Variants in ZNF407 observed in about 807,000 individuals in gnomAD.
ZNF407 encodes zinc finger protein 407.
In ZNF407, 17 loss-of-function variants were observed where a neutral mutation model predicts 131.2. That is an observed-to-expected ratio of 0.13 (90% CI 0.09 to 0.19). The LOEUF (loss-of-function observed/expected upper bound fraction) is 0.19. Ranked by LOEUF, ZNF407 falls within the 10% of genes least tolerant of loss-of-function variation. The pLI is 1.00. For synonymous variants in ZNF407, 1,156 were observed against 1,062.0 expected, an observed-to-expected ratio of 1.09 and a Z score of -1.72; for missense variants, 2,681 against 2,830.6, an observed-to-expected ratio of 0.95 and a Z score of 1.20.
At chr18:74,713,684 T>C (rs1323802935) in intron 3 of ZNF407, among the ~76,000 whole-genome samples, 1 of 152,136 alleles carries the variant, frequency 6.6e-6, no homozygotes, top group African/African-American at 2.4e-5. Flanking sequence ...AACTATAATA[T>C]CTCCCAAATT....
intron 3 of ZNF407, among the ~76,000 whole-genome samples, chr18:74,771,917 A>G (rs1352984376): frequency 6.6e-6 from 1 of 152,194 alleles, no homozygotes; most frequent in Non-Finnish European, 1.5e-5. Context: ...ATTAGCTTGG[A>G]TAATTCACAT....
At chr18:74,751,627 G>A (rs1968805604) in intron 3 of ZNF407, among the ~76,000 whole-genome samples, 1 of 151,950 alleles carries the variant, frequency 6.6e-6, no homozygotes, top group Non-Finnish European at 1.5e-5. Context: ...GCAGTGTTTG[G>A]TTTTCTGTCC....
Position 75,064,083 on chromosome 18 carries a change from C to A in ZNF407, c.6362C>A (p.Ala2121Asp). Residue 2121 changes from alanine (A) to aspartate (D), a missense_variant, in exon 9 of 9, where the codon GCC becomes GAC. Transcript: ENST00000299687. ...GTCCACATGGTCGCCGGGGAGGGTG[C>A]CCAGATCATCATGCAGGAGGCGCAG... The part of the protein sequence containing the change: ...GAVHMVAGEG[A>D]QIIMQEAQGE... 6.3e-7 allele frequency: 1 copy of A among 1,589,150 alleles called. No individual in the cohort carries two copies. The highest frequency in any genetic ancestry group is 8.6e-7 in the Non-Finnish European group (1 of 1,168,648).
intron 4 of ZNF407, among the ~76,000 whole-genome samples, chr18:74,838,076 G>A (rs190534783): frequency 6.6e-6 from 1 of 152,152 alleles, no homozygotes; most frequent in East Asian, 1.9e-4. Context: ...TACTCATATT[G>A]GCAGTTACTT....
intron 3 of ZNF407, among the ~76,000 whole-genome samples, chr18:74,766,341 A>G (rs1001503929): frequency 2.6e-5 from 4 of 152,182 alleles, no homozygotes; most frequent in South Asian, 2.1e-4. Context: ...GTCCCATCCT[A>G]TGCTTCTTAA....
intron 3 of ZNF407, among the ~76,000 whole-genome samples, chr18:74,674,771 T>A (rs534135604): frequency 6.6e-6 from 1 of 152,124 alleles, no homozygotes; most frequent in African/African-American, 2.4e-5. Context: ...TGTAAATGAG[T>A]TAGTGTGGCT....
chr18:74,747,319 A>G (rs1047418822), intron 3 of ZNF407, among the ~76,000 whole-genome samples: 1 of 152,220 alleles, frequency 6.6e-6, no homozygotes, highest in Admixed American at 6.5e-5. Context: ...AGGGAATTAC[A>G]TGGTATTCAT....
chr18:74,719,349 C>T (rs946255453), intron 3 of ZNF407, among the ~76,000 whole-genome samples: 1 of 151,962 alleles, frequency 6.6e-6, no homozygotes, highest in Non-Finnish European at 1.5e-5. Flanking sequence ...ACGCTTCCTA[C>T]CCGCTAGTAT....
In ZNF407 at chr18:74,763,410, G is replaced by A. The variant is rs182011760; in HGVS notation, c.4803-18018G>A. Among the ~76,000 whole-genome samples, 390 of 151,300 alleles carry A rather than the reference G, an allele frequency of 2.6e-3. 2 individuals carry two copies. Among genetic ancestry groups the A allele is most frequent in the Middle Eastern group, 6.8e-3 (2 of 292 alleles). On this transcript the variant is annotated intron_variant, in intron 3 of 8. Transcript: ENST00000299687. ...GTCTGTGGCTTAATTCTCTTTAGAA[G>A]GGGAGAATTAAAAAATTTCCATGTA...
intron 8 of ZNF407, among the ~76,000 whole-genome samples, chr18:74,956,137 C>T (rs1187935249): frequency 1.3e-5 from 2 of 152,138 alleles, no homozygotes; most frequent in Non-Finnish European, 2.9e-5. Flanking sequence ...AAAAATGAAT[C>T]CCCAGCCTCC....
chr18:75,046,205 T>A (rs1973433783), intron 8 of ZNF407, among the ~76,000 whole-genome samples: 1 of 152,162 alleles, frequency 6.6e-6, no homozygotes, highest in Non-Finnish European at 1.5e-5. Flanking sequence ...TTTCATATCA[T>A]AACAGAAAAT....
chr18:75,006,474 G>A (rs981843782), intron 8 of ZNF407, among the ~76,000 whole-genome samples: 5 of 152,130 alleles, frequency 3.3e-5, no homozygotes, highest in African/African-American at 9.7e-5. Context: ...GAGAATTTGT[G>A]TAATCCTTTA....
At chr18:75,051,588 A>G (rs746956446) in intron 8 of ZNF407, among the ~76,000 whole-genome samples, 1 of 152,224 alleles carries the variant, frequency 6.6e-6, no homozygotes, top group Non-Finnish European at 1.5e-5. Context: ...AGTGAAAGAA[A>G]CATATTCAGG....
chr18:74,920,476 G>A (rs1971832468), intron 7 of ZNF407, 38 bp from the exon 8 acceptor site: 10 of 1,515,284 alleles, frequency 6.6e-6, no homozygotes, highest in Non-Finnish European at 9.0e-6. Context: ...TTATTGGTTT[G>A]ACCTTAATTA....
intron 3 of ZNF407, among the ~76,000 whole-genome samples, chr18:74,704,704 G>A (rs188381302): frequency 2.5e-4 from 38 of 152,282 alleles, no homozygotes; most frequent in African/African-American, 7.5e-4. Flanking sequence ...CTTAAGTTGC[G>A]TGCTCTTTGC....
At chr18:74,767,552 TCA>T (rs1190188022) in intron 3 of ZNF407, among the ~76,000 whole-genome samples, 1 of 151,966 alleles carries the variant, frequency 6.6e-6, no homozygotes, top group East Asian at 1.9e-4. Flanking sequence ...TATGTAAACC[TCA>T]ATACAAGACA....
At chr18:74,920,346 A>G (rs1333152049) in intron 7 of ZNF407, among the ~76,000 whole-genome samples, 168 bp from the exon 8 acceptor site, 1 of 152,200 alleles carries the variant, frequency 6.6e-6, no homozygotes, top group Middle Eastern at 3.2e-3. Context: ...GGTTATAAAA[A>G]CTACCAGCCT....
chr18:74,848,611 A>C (rs1970734820), intron 4 of ZNF407, among the ~76,000 whole-genome samples: 1 of 152,222 alleles, frequency 6.6e-6, no homozygotes, highest in Non-Finnish European at 1.5e-5. Flanking sequence ...TTATATTTTT[A>C]TATAAATACC....
At chr18:75,032,232 G>A (rs1056054283) in intron 8 of ZNF407, among the ~76,000 whole-genome samples, 1 of 152,190 alleles carries the variant, frequency 6.6e-6, no homozygotes, top group African/African-American at 2.4e-5. Flanking sequence ...ATGAGACTGC[G>A]ATCTGGGGGC....
Sources: gnomAD v4.1 joint callset for allele counts (sites outside exome capture counted in the v4.1 genomes callset) on GRCh38, gnomAD v4.1.1 for gene constraint, MANE v1.5 for transcripts, NCBI Gene and HGNC (gene_info 2026-07-23, HGNC 2026-07-21) for gene names.